LRRC49: variants seen among roughly 807,000 people sequenced by gnomAD.
The protein encoded by LRRC49 is leucine rich repeat containing 49.
LRRC49 carries 50 observed loss-of-function variants against 83.3 expected under a neutral mutation model. The observed-to-expected ratio is 0.60, with a 90% CI of 0.48 to 0.76. LRRC49 has a LOEUF of 0.76. Ranked by LOEUF, LRRC49 falls within the 30% of genes least tolerant of loss-of-function variation. The pLI is 0.00. For synonymous variants in LRRC49, 286 were observed against 283.3 expected, an observed-to-expected ratio of 1.01 and a Z score of -0.10; for missense variants, 704 against 809.1, an observed-to-expected ratio of 0.87 and a Z score of 1.58.
chr15:70,979,224 C>A (rs996862510), intron 9 of LRRC49, among the ~76,000 whole-genome samples: 8 of 151,988 alleles, frequency 5.3e-5, no homozygotes, highest in Admixed American at 4.6e-4. Context: ...TAAACTGATA[C>A]ACAGAAATTG....
chr15:70,948,817 AT>A (rs1218448618), intron 8 of LRRC49, among the ~76,000 whole-genome samples: 4 of 152,054 alleles, frequency 2.6e-5, no homozygotes, highest in African/African-American at 9.7e-5. Flanking sequence ...TTTCTGGGCC[AT>A]CTCAGTGGAT....
At chr15:70,985,930 A>C (rs1311217088) in intron 11 of LRRC49, among the ~76,000 whole-genome samples, 1 of 144,320 alleles carries the variant, frequency 6.9e-6, no homozygotes, top group South Asian at 2.4e-4. Context: ...GTCAAAGATC[A>C]GATAGTTGTA....
At chr15:70,909,875 CACAA>C (rs1267608771) in intron 5 of LRRC49, among the ~76,000 whole-genome samples, 160 of 151,366 alleles carry the variant, frequency 1.1e-3, no homozygotes, top group Non-Finnish European at 1.8e-3. Flanking sequence ...CACACACACA[CACAA>C]AACAAACAAA....
At chr15:71,035,705 A>G (rs1037852847) in intron 14 of LRRC49, among the ~76,000 whole-genome samples, 3 of 151,890 alleles carry the variant, frequency 2.0e-5, no homozygotes, top group East Asian at 3.9e-4. Context: ...ATAGTATTCC[A>G]TGGTATATAT....
intron 1 of LRRC49, among the ~76,000 whole-genome samples, chr15:70,858,518 C>T (rs1031873670): frequency 6.6e-6 from 1 of 152,174 alleles, no homozygotes; most frequent in Non-Finnish European, 1.5e-5. Context: ...GCAGGAAAAT[C>T]GCTTGAACCC....
intron 5 of LRRC49, among the ~76,000 whole-genome samples, chr15:70,907,008 A>C (rs749049951): frequency 2.6e-5 from 4 of 152,356 alleles, no homozygotes; most frequent in Admixed American, 6.5e-5. Context: ...GTGAAATGCA[A>C]GTCTGAGCCC....
At chr15:70,859,636 C>A in intron 1 of LRRC49, 1 of 639,536 alleles carries the variant, frequency 1.6e-6, no homozygotes. Context: ...CTGAGATCTC[C>A]GAGATGAACT....
chr15:70,882,844 G>A (rs1417375065), intron 2 of LRRC49: 4 of 1,614,008 alleles, frequency 2.5e-6, no homozygotes, highest in South Asian at 1.1e-5. Context: ...AGGTACTGAA[G>A]TGACAGTATT....
At chr15:71,002,547 A>C (rs2038298147) in intron 11 of LRRC49, among the ~76,000 whole-genome samples, 1 of 152,142 alleles carries the variant, frequency 6.6e-6, no homozygotes, top group South Asian at 2.1e-4. Flanking sequence ...CATGCAGTGA[A>C]GCTGGGTTAT....
chr15:70,884,608 C>G (rs2033355876), intron 2 of LRRC49, among the ~76,000 whole-genome samples: 1 of 151,752 alleles, frequency 6.6e-6, no homozygotes, highest in African/African-American at 2.4e-5. Context: ...TAACACAAAT[C>G]TTATTTAAAG....
At chr15:70,953,915 G>A (rs570670337) in intron 8 of LRRC49, among the ~76,000 whole-genome samples, 1 of 151,618 alleles carries the variant, frequency 6.6e-6, no homozygotes, top group South Asian at 2.1e-4. Flanking sequence ...TATTTATTGA[G>A]ACAGAGTCTT....
intron 8 of LRRC49, among the ~76,000 whole-genome samples, chr15:70,960,634 AATAT>A (rs1333063969): frequency 6.6e-6 from 1 of 152,212 alleles, no homozygotes; most frequent in Non-Finnish European, 1.5e-5. Flanking sequence ...GACCCATACA[AATAT>A]ATTCAGGTGA....
intron 9 of LRRC49, among the ~76,000 whole-genome samples, chr15:70,974,184 T>C (rs2037121113): frequency 6.6e-6 from 1 of 152,116 alleles, no homozygotes; most frequent in Non-Finnish European, 1.5e-5. Flanking sequence ...TAGGAATTGG[T>C]CACTAGGAGG....
chr15:70,949,930 C>G (rs1441176434), intron 8 of LRRC49, among the ~76,000 whole-genome samples: 1 of 152,036 alleles, frequency 6.6e-6, no homozygotes, highest in Non-Finnish European at 1.5e-5. Context: ...AGCACAGTAC[C>G]AGATAGGCGG....
At chr15:70,868,523 A>G (rs2032959896) in intron 1 of LRRC49, among the ~76,000 whole-genome samples, 1 of 152,252 alleles carries the variant, frequency 6.6e-6, no homozygotes, top group Admixed American at 6.5e-5. Context: ...GTGGCTCTCA[A>G]AATTGAGCAT....
chr15:70,900,705 G>A (rs554695986), intron 3 of LRRC49: 134 of 498,912 alleles, frequency 2.7e-4, no homozygotes, highest in Non-Finnish European at 4.7e-4. Flanking sequence ...TAAGGCAAGG[G>A]AAAAATTATT....
chr15:70,892,552 G>A, upstream of LRRC49: 1 of 1,503,702 alleles, frequency 6.7e-7, no homozygotes, highest in Non-Finnish European at 8.9e-7. Context: ...CGCTGAGGTG[G>A]GCCGTAAAGA....
rs35998597 is a variant in LRRC49 at position 71,002,939 on chromosome 15, C to CTTTTTTTTTTT, written c.1170-5424_1170-5414dup. ...GAAAAGGCATAGGATATTTTCTGGC[C>CTTTTTTTTTTT]TTTTTTTTTTTTTTTTTTTTTTTTT... On this transcript the variant is annotated intron_variant, in intron 11 of 15. Transcript: ENST00000260382. Among the ~76,000 whole-genome samples, 5 of 43,024 alleles carry CTTTTTTTTTTT rather than the reference C, an allele frequency of 1.2e-4. 1 individual carries two copies. Among genetic ancestry groups the CTTTTTTTTTTT allele is most frequent in the Admixed American group, 4.5e-4 (1 of 2,240 alleles). 28.2% of individuals were successfully genotyped at this position (43,024 alleles called of 152,430 possible).
intron 11 of LRRC49, among the ~76,000 whole-genome samples, chr15:71,007,742 G>T (rs1596132137): frequency 1.5e-5 from 2 of 132,804 alleles, no homozygotes; most frequent in African/African-American, 5.8e-5. Flanking sequence ...TATATATATA[G>T]TGTGTATATA....
Sources: gnomAD v4.1 joint callset for allele counts (sites outside exome capture counted in the v4.1 genomes callset) on GRCh38, gnomAD v4.1.1 for gene constraint, MANE v1.5 for transcripts, NCBI Gene and HGNC (gene_info 2026-07-23, HGNC 2026-07-21) for gene names.